CLYBL: variants seen among roughly 807,000 people sequenced by gnomAD.
CLYBL encodes the protein citramalyl-CoA lyase, mitochondrial.
A neutral mutation model predicts 38.9 loss-of-function variants in CLYBL; 31 were observed. The observed-to-expected ratio is 0.80, with a 90% CI of 0.60 to 1.08. CLYBL has a LOEUF of 1.08. Among genes scored for constraint, CLYBL ranks in the 50% least tolerant of loss-of-function variants. The pLI, the probability that CLYBL is intolerant of heterozygous loss-of-function variation, is 0.00. For synonymous variants in CLYBL, 171 were observed against 158.6 expected, an observed-to-expected ratio of 1.08 and a Z score of -0.59; for missense variants, 434 against 411.6, an observed-to-expected ratio of 1.05 and a Z score of -0.47.
At chr13:99,715,173 C>T (rs1157401865) in intron 1 of CLYBL, among the ~76,000 whole-genome samples, 1 of 152,064 alleles carries the variant, frequency 6.6e-6, no homozygotes, top group African/African-American at 2.4e-5. Flanking sequence ...ACCTGGCTTC[C>T]AGCATTCTAG....
intron 2 of CLYBL, among the ~76,000 whole-genome samples, chr13:99,806,765 T>C (rs1028521687): frequency 1.3e-5 from 2 of 152,256 alleles, no homozygotes; most frequent in Non-Finnish European, 2.9e-5. Flanking sequence ...TTTCCTCCTC[T>C]TACCATATTC....
At chr13:99,710,974 G>A (rs1048936156) in intron 1 of CLYBL, among the ~76,000 whole-genome samples, 1 of 140,876 alleles carries the variant, frequency 7.1e-6, no homozygotes, top group Non-Finnish European at 1.5e-5. Context: ...TGCAACCTCC[G>A]TCTCCTAGGT....
chr13:99,659,205 T>A (rs2047374167), intron 1 of CLYBL, among the ~76,000 whole-genome samples: 1 of 145,390 alleles, frequency 6.9e-6, no homozygotes, highest in East Asian at 2.1e-4. Flanking sequence ...CTAAGCTATG[T>A]GTGTGTGTGT....
Position 99,858,919 on chromosome 13 carries a change from A to G in CLYBL, c.308A>G (p.Glu103Gly). ...TLEDIDLGPT[E>G]KCVRVNSVSS... ...GAAGACATTGATCTGGGCCCTACTG[A>G]AAAATGTGTGAGAGTCAACTCAGTT... The change falls in exon 3 of 9, where the codon GAA becomes GGA. Residue 103 changes from glutamate to glycine, a missense_variant. Physicochemically the swap from Glu to Gly is moderately conservative, Grantham distance 98. Transcript: ENST00000339105. 1 of 1,613,526 alleles carries G rather than the reference A, an allele frequency of 6.2e-7. No individual in the cohort carries two copies. Among genetic ancestry groups the G allele is most frequent in the South Asian group, 1.1e-5 (1 of 91,034 alleles).
At chr13:99,701,697 C>T (rs749182369) in intron 1 of CLYBL, among the ~76,000 whole-genome samples, 29 of 152,162 alleles carry the variant, frequency 1.9e-4, no homozygotes, top group South Asian at 4.1e-4. Flanking sequence ...ATTTTTGAGA[C>T]GAAGTCTCAC....
chr13:99,897,568 A>C (rs564799060), downstream of CLYBL, among the ~76,000 whole-genome samples: 4 of 151,492 alleles, frequency 2.6e-5, no homozygotes. Flanking sequence ...CCTACCATTG[A>C]CTGAGGAGGA....
rs1164324775 is a variant in CLYBL, at chr13:99,671,566, G to A, written c.62+64809G>A. On this transcript the variant is annotated intron_variant, in intron 1 of 8. Transcript: ENST00000339105. ...AGGCCGAGGTGGGCAGATCACTTGA[G>A]GTCAGGAGTTTGAGACCGGCCTGGC... Among the ~76,000 whole-genome samples the A allele has an allele frequency of 2.6e-5, 4 of 152,116 alleles. No individual in the cohort carries two copies. The South Asian group carries it at 8.3e-4, about 31-fold the overall frequency.
At chr13:99,834,961 T>C (rs1016821055) in intron 2 of CLYBL, among the ~76,000 whole-genome samples, 1 of 152,230 alleles carries the variant, frequency 6.6e-6, no homozygotes, top group Non-Finnish European at 1.5e-5. Flanking sequence ...CCCCAAATTC[T>C]ACCTATTGTT....
intron 2 of CLYBL, among the ~76,000 whole-genome samples, chr13:99,824,675 C>T (rs976030250): frequency 2.0e-5 from 3 of 152,130 alleles, no homozygotes; most frequent in African/African-American, 7.2e-5. Context: ...TCCTCTTTAT[C>T]TCAGTCTGCA....
At chr13:99,798,304 C>T (rs2050063147) in intron 2 of CLYBL, among the ~76,000 whole-genome samples, 1 of 152,158 alleles carries the variant, frequency 6.6e-6, no homozygotes, top group African/African-American at 2.4e-5. Context: ...AAAAGAGAAT[C>T]TGCTTACTGC....
chr13:99,789,071 G>T (rs1387414455), intron 2 of CLYBL, among the ~76,000 whole-genome samples: 3 of 151,878 alleles, frequency 2.0e-5, no homozygotes, highest in Non-Finnish European at 4.4e-5. Flanking sequence ...TTTTTATTGC[G>T]TCTATTTGAT....
chr13:99,673,079 G>A (rs1018095636), intron 1 of CLYBL, among the ~76,000 whole-genome samples: 1 of 152,080 alleles, frequency 6.6e-6, no homozygotes, highest in Non-Finnish European at 1.5e-5. Context: ...GTTGGTCATG[G>A]AGAATTTTAG....
chr13:99,731,731 G>A (rs1179449635), intron 1 of CLYBL, among the ~76,000 whole-genome samples: 2 of 152,170 alleles, frequency 1.3e-5, no homozygotes, highest in African/African-American at 4.8e-5. Context: ...ACCCCTGGAT[G>A]GGGAGGGAGG....
rs138576586 is a variant in CLYBL at position 99,669,071 on chromosome 13, G to A, written c.62+62314G>A. On this transcript the variant is annotated intron_variant, in intron 1 of 8. Coordinates refer to ENST00000339105, the MANE Select transcript of CLYBL (RefSeq NM_206808.5). ...GGCTGGAGTGCAGTGGCGCGATCTC[G>A]GCTCACTGCAACCTCTGCCTCCCAG... Among the ~76,000 whole-genome samples the A allele has an allele frequency of 6.5e-4, 98 of 150,888 alleles. 1 individual carries two copies. In the East Asian group the frequency reaches 0.017, roughly 26 times the overall value.
intron 2 of CLYBL, among the ~76,000 whole-genome samples, chr13:99,832,846 A>G (rs569686337): frequency 1.7e-4 from 26 of 151,444 alleles, no homozygotes; most frequent in African/African-American, 6.3e-4. Context: ...AAGGGAAAAA[A>G]AAGAAAGAAA....
chr13:99,797,560 TTGTGTGTGTGTGTGTGTG>T (rs3033584), intron 2 of CLYBL, among the ~76,000 whole-genome samples: 8 of 141,708 alleles, frequency 5.6e-5, no homozygotes, highest in African/African-American at 2.2e-4. Flanking sequence ...TGTTAGCTGT[TTGTGTGTGTGTGTGTGTG>T]TGTGTGTGTG....
chr13:99,840,787 C>T lies in CLYBL; in HGVS notation c.250-18074C>T, dbSNP rs1427513194. Among the ~76,000 whole-genome samples, 9 of 115,678 alleles carry T rather than the reference C, an allele frequency of 7.8e-5. No homozygotes were observed. The East Asian group carries it at 2.1e-3, about 27-fold the overall frequency. The allele number at this position is 115,678 out of a possible 152,430, so 75.9% of individuals were successfully genotyped here. A position where few individuals can be genotyped will look rare whatever the true frequency, so the allele number is the denominator to read the frequency against. ...AAAAAAAAAAAAAAAAAAAGGGTTA[C>T]ATATGCATATGAAAAAAGGCAGAAA... On this transcript the variant is annotated intron_variant, in intron 2 of 8. Transcript: ENST00000339105.
At chr13:99,746,979 C>G (rs770135569) in intron 1 of CLYBL, among the ~76,000 whole-genome samples, 2 of 152,170 alleles carry the variant, frequency 1.3e-5, no homozygotes, top group Non-Finnish European at 2.9e-5. Flanking sequence ...TGTGCCTGAA[C>G]GTGTTCAGTG....
At chr13:99,769,059 C>T (rs2049329611) in intron 1 of CLYBL, among the ~76,000 whole-genome samples, 1 of 152,148 alleles carries the variant, frequency 6.6e-6, no homozygotes, top group Admixed American at 6.5e-5. Flanking sequence ...TTTGTCTGCA[C>T]TTCTGTGATT....
Sources: gnomAD v4.1 joint callset for allele counts (sites outside exome capture counted in the v4.1 genomes callset) on GRCh38, gnomAD v4.1.1 for gene constraint, MANE v1.5 for transcripts, NCBI Gene and HGNC (gene_info 2026-07-23, HGNC 2026-07-21) for gene names.